Variants in ERICH3 observed in about 807,000 individuals in gnomAD.
ERICH3 encodes the protein glutamate rich 3.
In ERICH3, 126 loss-of-function variants were observed where a neutral mutation model predicts 131.1. That is an observed-to-expected ratio of 0.96 (90% CI 0.83 to 1.11). The LOEUF (loss-of-function observed/expected upper bound fraction) is 1.11. Among genes scored for constraint, ERICH3 ranks in the 50% most tolerant of loss-of-function variants. ERICH3 has a pLI of 0.00. For missense variants in ERICH3, 2,050 were observed against 1,810.7 expected, an observed-to-expected ratio of 1.13 and a Z score of -2.40; for synonymous variants, 695 against 644.6, an observed-to-expected ratio of 1.08 and a Z score of -1.18.
At chr1:74,655,660 C>T (rs570308286) in intron 1 of ERICH3, among the ~76,000 whole-genome samples, 14 of 152,180 alleles carry the variant, frequency 9.2e-5, no homozygotes, top group Non-Finnish European at 1.5e-4. Context: ...AACTTTTATT[C>T]CTCCTTTTCA....
At chr1:74,616,421 C>T (rs1414784049) in intron 8 of ERICH3, among the ~76,000 whole-genome samples, 1 of 152,086 alleles carries the variant, frequency 6.6e-6, no homozygotes, top group Non-Finnish European at 1.5e-5. Context: ...ATTTGATAAG[C>T]TCCCTATATA....
chr1:74,645,293 G>C, intron 3 of ERICH3, among the ~76,000 whole-genome samples: 1 of 151,970 alleles, frequency 6.6e-6, no homozygotes, highest in Non-Finnish European at 1.5e-5. Flanking sequence ...TTGCATGAGT[G>C]AATGCATGAA....
At chr1:74,606,995 G>C in intron 9 of ERICH3, 93 bp from the exon 10 acceptor site, 2 of 1,179,688 alleles carry the variant, frequency 1.7e-6, no homozygotes, top group Non-Finnish European at 2.4e-6. Flanking sequence ...TCTTATTCCA[G>C]TAAAAAAAGA....
chr1:74,571,458 C>T lies in ERICH3; in HGVS notation c.4252G>A (p.Ala1418Thr), dbSNP rs550063652. 10 of 1,614,118 alleles carry T rather than the reference C, an allele frequency of 6.2e-6. No homozygotes were observed. In the South Asian group the frequency reaches 1.1e-4, roughly 18 times the overall value. Residue 1418 changes from alanine (A) to threonine (T), a missense_variant, in exon 14 of 15, where the codon GCA (alanine) becomes ACA (threonine). Physicochemically the swap from Ala to Thr is moderately conservative, Grantham distance 58. Transcript: ENST00000326665. ...LARSGEEVPA[A>T]EEMTVTYTTE... is the part of the protein sequence containing the mutation. ...GTATATGTCACTGTCATCTCCTCTG[C>T]TGCTGGCACTTCCTCCCCACTCCGT...
At position 74,571,756 on chromosome 1, in the gene ERICH3, C is replaced by T. The variant is rs1360916611; in HGVS notation, c.3954G>A (p.Gly1318=). The T allele has an allele frequency of 1.2e-6, 2 of 1,614,144 alleles. No individual in the cohort carries two copies. Among genetic ancestry groups the T allele is most frequent in the South Asian group, 1.1e-5 (1 of 91,078 alleles). The change falls in exon 14 of 15, where the codon GGG becomes GGA. Residue 1318 remains glycine (G), a synonymous_variant. Transcript: ENST00000326665. The part of the protein sequence containing the change: ...AMQDRNSEGD[G]DMEGEGNTQK... ...GTGTGTTTCCTTCTCCTTCCATGTC[C>T]CCGTCCCCTTCCGAGTTCCTGTCCT...
At chr1:74,664,461 C>T (rs376619661) in intron 1 of ERICH3, among the ~76,000 whole-genome samples, 6 of 152,042 alleles carry the variant, frequency 3.9e-5, no homozygotes, top group Non-Finnish European at 7.4e-5. Flanking sequence ...TGAAGAGAAA[C>T]AGCTTCTTTG....
chr1:74,661,939 A>C (rs1646645995), intron 1 of ERICH3, among the ~76,000 whole-genome samples: 1 of 152,170 alleles, frequency 6.6e-6, no homozygotes, highest in Non-Finnish European at 1.5e-5. Context: ...TCTCTTTGGA[A>C]TATCAGTCCT....
chr1:74,652,682 T>C (rs1435769489), intron 1 of ERICH3, among the ~76,000 whole-genome samples: 1 of 152,142 alleles, frequency 6.6e-6, no homozygotes, highest in Non-Finnish European at 1.5e-5. Context: ...CTGGTCGTGC[T>C]GCTTCAGGCC....
intron 12 of ERICH3, chr1:74,577,545 T>C (rs1231037809): frequency 1.3e-5 from 2 of 152,210 alleles, no homozygotes; most frequent in Non-Finnish European, 2.9e-5. Flanking sequence ...TGCTGAGCTA[T>C]TTCACATCAT....
intron 12 of ERICH3, chr1:74,578,175 A>C (rs1647104056): frequency 6.6e-6 from 1 of 152,660 alleles, no homozygotes; most frequent in African/African-American, 2.4e-5. Context: ...TGTCAAAAAG[A>C]GTTATCTATC....
intron 12 of ERICH3, among the ~76,000 whole-genome samples, chr1:74,583,142 T>C (rs1052657556): frequency 6.6e-6 from 1 of 152,088 alleles, no homozygotes; most frequent in Non-Finnish European, 1.5e-5. Flanking sequence ...AAGAGGAAAA[T>C]ATGCAGAGGC....
chr1:74,570,970 G>C (rs779517063), intron 14 of ERICH3, 129 bp downstream of exon 14: 331 of 1,252,784 alleles, frequency 2.6e-4, no homozygotes, highest in Admixed American at 4.0e-4. Flanking sequence ...AGGGCTAAGT[G>C]ACACAGAATT....
chr1:74,645,060 T>G (rs1166720293), intron 3 of ERICH3, among the ~76,000 whole-genome samples: 3 of 152,018 alleles, frequency 2.0e-5, no homozygotes, highest in Non-Finnish European at 4.4e-5. Context: ...CTTTCCCACA[T>G]TTTCACAGGA....
At chr1:74,621,216 G>T (rs553318901) in intron 7 of ERICH3, among the ~76,000 whole-genome samples, 1 of 152,204 alleles carries the variant, frequency 6.6e-6, no homozygotes, top group Admixed American at 6.5e-5. Flanking sequence ...GAGTGTGTTT[G>T]TTATATATAG....
Position 74,612,740 on chromosome 1 carries a change from A to G in ERICH3, c.1070T>C (p.Met357Thr), listed in dbSNP as rs1225396965. 6.2e-7 allele frequency: 1 copy of G among 1,603,490 alleles called. No homozygotes were observed. Among genetic ancestry groups the G allele is most frequent in the Admixed American group, 1.7e-5 (1 of 59,946 alleles). ...ACAGGAGCTTAACCTGTTCACCTGC[A>G]TCCCATTCAGGAAAAAGGTGAGACT... Reference protein sequence around the residue: ...PFSLTFFLNGMQVNRLSSCCE... With the variant: ...PFSLTFFLNGTQVNRLSSCCE... The change falls in exon 9 of 15, where the codon ATG (methionine) becomes ACG (threonine). Residue 357 changes from methionine to threonine, a missense_variant. By Grantham distance (81) the Met-to-Thr change is moderately conservative. Coordinates refer to ENST00000326665, the MANE Select transcript of ERICH3 (RefSeq NM_001002912.5).
In ERICH3 at chr1:74,568,445, T is replaced by G. The variant is rs1005569966; in HGVS notation, c.*2013A>C. 2 of 152,266 alleles carry G rather than the reference T, an allele frequency of 1.3e-5. No homozygotes were observed. The highest frequency in any genetic ancestry group is 6.5e-5 in the Admixed American group (1 of 15,286). 9.4% of individuals were successfully genotyped at this position (152,266 alleles called of 1,614,324 possible). A position where few individuals can be genotyped will look rare whatever the true frequency, so the allele number is the denominator to read the frequency against. ...TTCAAAGTGCTCTGTAGCATTGAGT[T>G]TGAAATCAGGAAACAAATACTGTTA... On this transcript the variant is annotated 3_prime_UTR_variant, in exon 15 of 15. Coordinates refer to ENST00000326665, the MANE Select transcript of ERICH3 (RefSeq NM_001002912.5).
At position 74,571,098 on chromosome 1, in the gene ERICH3, C is replaced by T. The variant is rs750612787; in HGVS notation, c.*18+1G>A. The T allele has an allele frequency of 6.2e-7, 1 of 1,603,390 alleles. No homozygotes were observed. Among genetic ancestry groups the T allele is most frequent in the South Asian group, 1.1e-5 (1 of 89,570 alleles). On this transcript the variant is annotated splice_donor_variant, in intron 14 of 14. Transcript: ENST00000326665. LOFTEE classifies it low-confidence loss of function (3UTR_SPLICE). ...TACAAAGACATTACGCTTAAACTCA[C>T]TGTCTGCCAGCAAGTCTCCTAGACC... is the stretch of plus-strand genomic sequence containing the variant.
chr1:74,603,820 C>G (rs1322237131), intron 10 of ERICH3, among the ~76,000 whole-genome samples: 2 of 151,930 alleles, frequency 1.3e-5, no homozygotes, highest in Non-Finnish European at 2.9e-5. Context: ...TGAGCCTTAA[C>G]TGGTCATCGT....
chr1:74,592,534 T>C (rs1647655948), intron 11 of ERICH3, among the ~76,000 whole-genome samples: 2 of 152,324 alleles, frequency 1.3e-5, no homozygotes, highest in African/African-American at 4.8e-5. Flanking sequence ...CATCTGAATA[T>C]GGAAATGACT....
Sources: gnomAD v4.1 joint callset for allele counts (sites outside exome capture counted in the v4.1 genomes callset) on GRCh38, gnomAD v4.1.1 for gene constraint, MANE v1.5 for transcripts, NCBI Gene and HGNC (gene_info 2026-07-23, HGNC 2026-07-21) for gene names.